The following PCDHA4 variants were observed in gnomAD, a reference collection of about 807,000 sequenced individuals.
PCDHA4 encodes the protein protocadherin alpha-4.
Under a neutral mutation model 61.4 loss-of-function variants are expected in PCDHA4, and 49 were observed. That is an observed-to-expected ratio of 0.80 (90% CI 0.63 to 1.01). The LOEUF (loss-of-function observed/expected upper bound fraction) is 1.01. Among genes scored for constraint, PCDHA4 ranks in the 50% least tolerant of loss-of-function variants. The probability of loss-of-function intolerance (pLI) is 0.00; values close to 1 mark genes in which losing one functional copy is unlikely to be tolerated. For missense variants in PCDHA4, 1,254 were observed against 1,235.8 expected, an observed-to-expected ratio of 1.01 and a Z score of -0.22; for synonymous variants, 590 against 550.3, an observed-to-expected ratio of 1.07 and a Z score of -1.01.
At chr5:140,946,826 G>A (rs1161316537) in intron 1 of PCDHA4, among the ~76,000 whole-genome samples, 1 of 151,404 alleles carries the variant, frequency 6.6e-6, no homozygotes, top group African/African-American at 2.4e-5. Context: ...TACCAGAGAT[G>A]GGTAGGGCAG....
At chr5:140,876,808 G>T in intron 1 of PCDHA4, 1 of 1,614,222 alleles carries the variant, frequency 6.2e-7, no homozygotes, top group Non-Finnish European at 8.5e-7. Flanking sequence ...CGTGGAGGTG[G>T]CCGACGTGAA....
At chr5:140,850,816 C>T (rs2150499386) in intron 1 of PCDHA4, 3 of 1,598,298 alleles carry the variant, frequency 1.9e-6, no homozygotes, top group Admixed American at 1.7e-5. Flanking sequence ...GCCTTCAGCC[C>T]GGGCCTTTCT....
chr5:140,822,465 T>C (rs2150116566), intron 1 of PCDHA4: 21 of 1,613,564 alleles, frequency 1.3e-5, no homozygotes, highest in Non-Finnish European at 1.5e-5. Flanking sequence ...TGTTGATCAA[T>C]GTATTGGATG....
intron 1 of PCDHA4, chr5:140,876,403 G>A (rs1361779592): frequency 1.2e-6 from 2 of 1,613,820 alleles, no homozygotes. Context: ...ACTGGATTTT[G>A]AAGAGAATAA....
Position 140,946,611 on chromosome 5 carries a change from AAT to A in PCDHA4, c.2386-32318_2386-32317del, listed in dbSNP as rs1554217734. On this transcript the variant is annotated intron_variant, in intron 1 of 3. Coordinates refer to ENST00000530339, the MANE Select transcript of PCDHA4 (RefSeq NM_018907.4). ...GGATGAATAGATAAAGAAAATGTGA[AAT>A]ATATATATATATATATATACAATGG... is the stretch of plus-strand genomic sequence containing the variant. 5.8e-3 allele frequency among the ~76,000 whole-genome samples: 503 copies of A among 86,618 alleles called. 18 individuals are homozygous for A. The highest frequency in any genetic ancestry group is 0.022 in the Middle Eastern group (4 of 186). The allele number at this position is 86,618 out of a possible 152,430, so 56.8% of individuals were successfully genotyped here. A position where few individuals can be genotyped will look rare whatever the true frequency, so the allele number is the denominator to read the frequency against.
Position 140,808,979 on chromosome 5 carries a change from G to A in PCDHA4, c.1792G>A (p.Asp598Asn). Residue 598 changes from aspartate (D) to asparagine (N), a missense_variant, in exon 1 of 4, where the codon GAT (aspartate) becomes AAT (asparagine). Physicochemically the swap from Asp to Asn is conservative, Grantham distance 23. Coordinates refer to ENST00000530339, the MANE Select transcript of PCDHA4 (RefSeq NM_018907.4). ...GHVVAKVRAV[D>N]ADSGYNAWLS... ...CGTGGTGGCAAAGGTGCGCGCGGTG[G>A]ATGCTGACTCGGGCTACAACGCGTG... The A allele has an allele frequency of 2.5e-6, 4 of 1,613,674 alleles. No homozygotes were observed. Among genetic ancestry groups the A allele is most frequent in the Non-Finnish European group, 3.4e-6 (4 of 1,179,724 alleles).
At chr5:140,925,231 G>A (rs2082401450) in intron 1 of PCDHA4, among the ~76,000 whole-genome samples, 1 of 152,154 alleles carries the variant, frequency 6.6e-6, no homozygotes, top group Non-Finnish European at 1.5e-5. Flanking sequence ...GTTTCTACCA[G>A]AAAATATGTC....
chr5:140,945,709 G>C (rs1033770128), intron 1 of PCDHA4, among the ~76,000 whole-genome samples: 4 of 151,930 alleles, frequency 2.6e-5, no homozygotes, highest in Admixed American at 1.3e-4. Flanking sequence ...TGCAACAAAA[G>C]TATCAAGAAT....
chr5:140,895,044 C>T (rs964599264), intron 1 of PCDHA4, among the ~76,000 whole-genome samples: 24 of 152,112 alleles, frequency 1.6e-4, no homozygotes, highest in Non-Finnish European at 2.2e-4. Flanking sequence ...CCACCCACAC[C>T]ATTCTGCTTC....
In PCDHA4 at chr5:141,011,598, G is replaced by A. The variant is rs530366689; in HGVS notation, c.*1661G>A. ...TTAAATCAAGATACTGGTGATTCAA[G>A]GAATTTTATTTATGGTCCAGCCAAG... On this transcript the variant is annotated 3_prime_UTR_variant, in exon 4 of 4. Transcript: ENST00000530339. 6.5e-6 allele frequency: 1 copy of A among 153,736 alleles called. No homozygotes were observed. Among genetic ancestry groups the A allele is most frequent in the Non-Finnish European group, 1.5e-5 (1 of 68,012 alleles). The allele number at this position is 153,736 out of a possible 1,614,324, so 9.5% of individuals were successfully genotyped here.
At position 140,808,104 on chromosome 5, in the gene PCDHA4, G is replaced by C; in HGVS notation, c.917G>C (p.Gly306Ala). 6.2e-7 allele frequency: 1 copy of C among 1,613,884 alleles called. No individual in the cohort carries two copies. Among genetic ancestry groups the C allele is most frequent in the Non-Finnish European group, 8.5e-7 (1 of 1,179,762 alleles). Residue 306 changes from glycine (G) to alanine (A), a missense_variant, in exon 1 of 4, where the codon GGA (glycine) becomes GCA (alanine). Coordinates refer to ENST00000530339, the MANE Select transcript of PCDHA4 (RefSeq NM_018907.4). ...ATTACTGGACAAATTATTGTAAAGG[G>C]ATATATTGACTTTGAAGAAAGCAAA... The part of the protein sequence containing the change: ...DPITGQIIVK[G>A]YIDFEESKSY...
At chr5:140,926,620 C>G in intron 1 of PCDHA4, 1 of 385,534 alleles carries the variant, frequency 2.6e-6, no homozygotes, top group Admixed American at 4.4e-5. Context: ...CACCCCTAGG[C>G]GGCGCTGCGC....
chr5:140,853,510 A>C (rs2042773943), intron 1 of PCDHA4: 2 of 977,306 alleles, frequency 2.0e-6, no homozygotes, highest in African/African-American at 1.8e-5. Context: ...TGAAACAATA[A>C]TGAAGCTCCT....
At chr5:140,824,006 T>C in intron 1 of PCDHA4, 2 of 1,613,804 alleles carry the variant, frequency 1.2e-6, no homozygotes, top group South Asian at 1.1e-5. Context: ...TCCAGCGCGG[T>C]GGGGAGCTGG....
intron 1 of PCDHA4, chr5:140,834,950 A>C: frequency 1.3e-6 from 2 of 1,550,084 alleles, no homozygotes; most frequent in Non-Finnish European, 1.8e-6. Context: ...ACCAGCAGGT[A>C]AAACCTCTTG....
intron 2 of PCDHA4, among the ~76,000 whole-genome samples, chr5:140,979,916 A>C (rs369427870): frequency 4.1e-4 from 63 of 152,376 alleles, no homozygotes; most frequent in African/African-American, 1.4e-3. Context: ...CGTAAAGAGA[A>C]AGCCTACAAA....
intron 1 of PCDHA4, chr5:140,929,720 C>A (rs146702581): frequency 4.5e-6 from 1 of 224,040 alleles, no homozygotes; most frequent in Admixed American, 5.9e-5. Context: ...GAAGGTGAAA[C>A]ATTTACTTAA....
chr5:140,941,218 T>TCTTTCTTC, intron 1 of PCDHA4, among the ~76,000 whole-genome samples: 1 of 125,730 alleles, frequency 8.0e-6, no homozygotes, highest in African/African-American at 3.3e-5. Context: ...TTTCTTCCTT[T>TCTTTCTTC]CTTTCTTTCT....
intron 1 of PCDHA4, chr5:140,834,661 A>G (rs1200683987): frequency 6.2e-7 from 1 of 1,614,098 alleles, no homozygotes; most frequent in Non-Finnish European, 8.5e-7. Flanking sequence ...ATCGACCGCG[A>G]GGAGCTGTGC....
Sources: gnomAD v4.1 joint callset for allele counts (sites outside exome capture counted in the v4.1 genomes callset) on GRCh38, gnomAD v4.1.1 for gene constraint, MANE v1.5 for transcripts, NCBI Gene and HGNC (gene_info 2026-07-23, HGNC 2026-07-21) for gene names.